The following DAPK2 variants were observed in gnomAD, a reference collection of about 807,000 sequenced individuals.
DAPK2 encodes death-associated protein kinase 2.
Under a neutral mutation model 44.1 loss-of-function variants are expected in DAPK2, and 35 were observed. The observed-to-expected ratio is 0.79, with a 90% confidence interval of 0.61 to 1.05. The LOEUF is 1.05. DAPK2 is among the 50% of genes least tolerant of loss of function. The probability of loss-of-function intolerance (pLI) is 0.00; values close to 1 mark genes in which losing one functional copy is unlikely to be tolerated. For synonymous variants in DAPK2, 174 were observed against 182.6 expected, an observed-to-expected ratio of 0.95 and a Z score of 0.38; for missense variants, 453 against 483.2, an observed-to-expected ratio of 0.94 and a Z score of 0.59.
intron 3 of DAPK2, among the ~76,000 whole-genome samples, chr15:63,956,089 T>C (rs1455928630): frequency 6.6e-6 from 1 of 152,220 alleles, no homozygotes; most frequent in East Asian, 1.9e-4. Flanking sequence ...AATCATATAG[T>C]TGCTCACAGT....
At position 63,912,070 on chromosome 15, in the gene DAPK2, C is replaced by G; in HGVS notation, c.948+38G>C. ...GGAGAGCCAGAAACCCCGCCCTAGCCCCCACCCTGTCCCCCGCCGCCCCAA... is the reference window on the plus strand; with the variant it reads ...GGAGAGCCAGAAACCCCGCCCTAGCGCCCACCCTGTCCCCCGCCGCCCCAA... On this transcript the variant is annotated intron_variant, in intron 9 of 10. Coordinates refer to ENST00000261891, the Ensembl canonical transcript of DAPK2. The surrounding 1 kb of genome is among the most constrained non-coding windows in gnomAD (Gnocchi z 4.4). 6.3e-7 allele frequency: 1 copy of G among 1,586,424 alleles called. No homozygotes were observed. The highest frequency in any genetic ancestry group is 8.6e-7 in the Non-Finnish European group (1 of 1,163,680).
Position 63,923,247 on chromosome 15 carries a change from T to G in DAPK2, c.858+1569A>C. 2 of 1,535,906 alleles carry G rather than the reference T, an allele frequency of 1.3e-6. No homozygotes were observed. Among genetic ancestry groups the G allele is most frequent in the Non-Finnish European group, 1.7e-6 (2 of 1,146,738 alleles). On this transcript the variant is annotated intron_variant, in intron 8 of 10. Transcript: ENST00000261891. The surrounding 1 kb of genome is among the most constrained non-coding windows in gnomAD (Gnocchi z 4.2). ...ACATAGGAGTTGTTGGGAGGCATGCTTGAGTGGCATTTGAGAGTGTACTCT... is the reference window on the plus strand; with the variant it reads ...ACATAGGAGTTGTTGGGAGGCATGCGTGAGTGGCATTTGAGAGTGTACTCT...
rs1186501678 is a variant in DAPK2 at position 63,908,897 on chromosome 15, C to T, written c.1033-297G>A. 5.0e-6 allele frequency: 1 copy of T among 198,360 alleles called. No individual in the cohort carries two copies. Among genetic ancestry groups the T allele is most frequent in the Non-Finnish European group, 1.0e-5 (1 of 97,782 alleles). 12.3% of individuals were successfully genotyped at this position (198,360 alleles called of 1,614,324 possible). A position where few individuals can be genotyped will look rare whatever the true frequency, so the allele number is the denominator to read the frequency against. ...TACATCTAGTTCCCTTTGTGGCTGC[C>T]ATATAATCAAGGCCACTTGGCTGGG... On this transcript the variant is annotated intron_variant, in intron 10 of 10. Transcript: ENST00000261891. The surrounding 1 kb of genome is among the most constrained non-coding windows in gnomAD (Gnocchi z 5.7).
At chr15:64,015,658 G>T (rs11631399) in intron 1 of DAPK2, among the ~76,000 whole-genome samples, 17,355 of 152,204 alleles carry the variant, frequency 0.11, 1,331 homozygotes, top group South Asian at 0.35. Context: ...ACCTGAGTGG[G>T]CCCCAAATCC....
intron 1 of DAPK2, among the ~76,000 whole-genome samples, chr15:64,008,925 G>T (rs2079311288): frequency 6.6e-6 from 1 of 152,126 alleles, no homozygotes; most frequent in South Asian, 2.1e-4. Context: ...CAGATGACAG[G>T]GGAGGAAAGG....
At chr15:64,036,744 A>G (rs967545255) in intron 1 of DAPK2, among the ~76,000 whole-genome samples, 1 of 152,104 alleles carries the variant, frequency 6.6e-6, no homozygotes, top group African/African-American at 2.4e-5. Context: ...CCCTGAGTCT[A>G]CACTAGGGTG....
At chr15:63,979,031 C>T (rs1242507020) in intron 2 of DAPK2, among the ~76,000 whole-genome samples, 1 of 152,224 alleles carries the variant, frequency 6.6e-6, no homozygotes. Flanking sequence ...TCACTGCCAC[C>T]CTGGAGCACT....
chr15:63,959,355 T>C (rs2077820305), intron 3 of DAPK2, among the ~76,000 whole-genome samples: 1 of 152,186 alleles, frequency 6.6e-6, no homozygotes, highest in Admixed American at 6.5e-5. Flanking sequence ...TTTCTTTCTC[T>C]TGCCTGATTG....
rs189268897 is a variant in DAPK2, at chr15:63,937,561, C to T, written c.583+1671G>A. Among the ~76,000 whole-genome samples, 303 of 152,242 alleles carry T rather than the reference C, an allele frequency of 2.0e-3. 1 individual carries two copies. Among genetic ancestry groups the T allele is most frequent in the African/African-American group, 6.7e-3 (277 of 41,532 alleles). ...CAGTGAACCTGGGAGGTGTTCCTCC[C>T]CTCCTCTGGCTCCCTCCCCACCCCT... On this transcript the variant is annotated intron_variant, in intron 4 of 10. Coordinates refer to ENST00000261891, the Ensembl canonical transcript of DAPK2.
At chr15:64,023,813 C>A (rs1422607408) in intron 1 of DAPK2, among the ~76,000 whole-genome samples, 2 of 152,270 alleles carry the variant, frequency 1.3e-5, no homozygotes, top group East Asian at 3.9e-4. Context: ...GGAAAAGGTG[C>A]TATTTTAAAA....
At chr15:64,027,929 G>A (rs1214348385) in intron 1 of DAPK2, among the ~76,000 whole-genome samples, 10 of 152,120 alleles carry the variant, frequency 6.6e-5, no homozygotes, top group Non-Finnish European at 1.2e-4. Context: ...TATGTTCACC[G>A]AAACACCAAT....
chr15:63,926,722 G>A (rs2079286550), intron 6 of DAPK2, among the ~76,000 whole-genome samples: 1 of 152,136 alleles, frequency 6.6e-6, no homozygotes, highest in East Asian at 1.9e-4. Context: ...CTTGGTAGAG[G>A]TATGATCCAG....
intron 2 of DAPK2, among the ~76,000 whole-genome samples, chr15:63,982,499 T>C (rs182838358): frequency 6.6e-6 from 1 of 152,266 alleles, no homozygotes. Flanking sequence ...GAACATTCTT[T>C]ATATAGTCCT....
chr15:63,912,297 T>C lies in DAPK2; in HGVS notation c.859-100A>G. Reference sequence around the variant, plus strand: ...CCACCCACCGCATGCCCACCGCCCTTGGCTTGACCCTGGCATCTCCCCGCC... The same window carrying C: ...CCACCCACCGCATGCCCACCGCCCTCGGCTTGACCCTGGCATCTCCCCGCC... On this transcript the variant is annotated intron_variant, in intron 8 of 10. Coordinates refer to ENST00000261891, the Ensembl canonical transcript of DAPK2. This position sits in a 1 kb window ranked among gnomAD's most constrained non-coding sequence, Gnocchi z 4.4. 8.2e-7 allele frequency: 1 copy of C among 1,218,204 alleles called. No individual in the cohort carries two copies. Among genetic ancestry groups the C allele is most frequent in the South Asian group, 1.3e-5 (1 of 76,026 alleles). 75.5% of individuals were successfully genotyped at this position (1,218,204 alleles called of 1,614,324 possible). A position where few individuals can be genotyped will look rare whatever the true frequency, so the allele number is the denominator to read the frequency against.
chr15:63,924,701 G>T, intron 8 of DAPK2, 115 bp downstream of exon 9: 1 of 1,147,036 alleles, frequency 8.7e-7, no homozygotes. Context: ...TGTGCCCAGG[G>T]TCAGTGTTTA....
chr15:63,945,825 A>G (rs1180583414), intron 3 of DAPK2, among the ~76,000 whole-genome samples: 1 of 152,142 alleles, frequency 6.6e-6, no homozygotes, highest in African/African-American at 2.4e-5. Context: ...GGCTGTGAAA[A>G]TTCCTACTGC....
At chr15:64,031,326 A>G (rs542896509) in intron 1 of DAPK2, among the ~76,000 whole-genome samples, 48 of 151,186 alleles carry the variant, frequency 3.2e-4, no homozygotes, top group African/African-American at 1.1e-3. Context: ...TCAACTTCCC[A>G]TGCTCAAGCA....
intron 8 of DAPK2, chr15:63,922,586 C>T (rs1242495598): frequency 1.4e-6 from 2 of 1,416,114 alleles, no homozygotes; most frequent in Non-Finnish European, 1.8e-6. Context: ...ACTGGCACCT[C>T]AGCAATTCTG....
Position 64,005,894 on chromosome 15 carries a change from CG to C in DAPK2, c.93-22141del, listed in dbSNP as rs1258404922. Reference sequence around the variant, plus strand: ...GAAAAAAATTTTTTAATTAGCTAGGCGTGTTGGCACACATTTGTAGTCCTAG... The same window carrying C: ...GAAAAAAATTTTTTAATTAGCTAGGCTGTTGGCACACATTTGTAGTCCTAG... On this transcript the variant is annotated intron_variant, in intron 1 of 10. Coordinates refer to ENST00000261891, the Ensembl canonical transcript of DAPK2. Among the ~76,000 whole-genome samples the C allele has an allele frequency of 9.2e-5, 14 of 152,026 alleles. No homozygotes were observed. In the South Asian group the frequency reaches 2.9e-3, roughly 32 times the overall value.
Sources: allele counts gnomAD v4.1 joint callset (sites outside exome capture counted in the v4.1 genomes callset), GRCh38; gene constraint gnomAD v4.1.1; non-coding constraint Gnocchi (gnomAD v3.1); transcripts MANE v1.5; gene names NCBI Gene and HGNC (gene_info 2026-07-23, HGNC 2026-07-21).